KIF7: variants seen among roughly 807,000 people sequenced by gnomAD.
The protein encoded by KIF7 is kinesin-like protein KIF7.
KIF7 carries 104 observed loss-of-function variants against 135.7 expected under a neutral mutation model. The observed-to-expected ratio is 0.77, with a 90% CI of 0.65 to 0.90. KIF7 has a LOEUF of 0.90. KIF7 is among the 40% of genes least tolerant of loss of function. KIF7 has a pLI of 0.00. For synonymous variants in KIF7, 883 were observed against 809.4 expected (o/e 1.09, Z -1.54); for missense variants, 2,005 against 1,839.1 (o/e 1.09, Z -1.65).
intron 8 of KIF7, 27 bp from the exon 9 acceptor site, chr15:89,645,478 C>T (rs749070223): frequency 2.6e-6 from 4 of 1,565,158 alleles, no homozygotes; most frequent in African/African-American, 1.4e-5. Flanking sequence ...GGAGGCCATG[C>T]TCCTCCCCAG....
At chr15:89,625,954 G>C, downstream of KIF7, 1 of 1,585,706 alleles carries the variant, frequency 6.3e-7, no homozygotes, top group Non-Finnish European at 8.6e-7. Flanking sequence ...CCACCTCCCA[G>C]CTGTGCCGTG....
Position 89,628,554 on chromosome 15 carries a change from AGCCGCCTCCC to A in KIF7, c.3887_3896del (p.Arg1296LeufsTer37), listed in dbSNP as rs1328702769. ...GAAGCACCCGCCCCACCAGGGGCTC[AGCCGCCTCCC>A]GCTGCCTCAGTTCCTCGGGGGACCC... On this transcript the variant is annotated frameshift_variant, in exon 19 of 19. Coordinates refer to ENST00000394412, the MANE Select transcript of KIF7 (RefSeq NM_198525.3). LOFTEE classifies it high-confidence loss of function. 8 of 1,613,330 alleles carry A rather than the reference AGCCGCCTCCC, an allele frequency of 5.0e-6. No individual in the cohort carries two copies. Among genetic ancestry groups the A allele is most frequent in the Non-Finnish European group, 6.8e-6 (8 of 1,179,960 alleles).
downstream of KIF7, chr15:89,624,572 G>A: frequency 6.2e-7 from 1 of 1,613,914 alleles, no homozygotes; most frequent in Non-Finnish European, 8.5e-7. Flanking sequence ...ACAGACTCTA[G>A]AGATGACCAG....
the KIF7 span, among the ~76,000 whole-genome samples, chr15:89,662,425 G>A: frequency 6.8e-3 from 1,034 of 152,294 alleles, 15 homozygotes; most frequent in African/African-American, 0.024. Context: ...TAAGCCTGGG[G>A]GCATGGAGGT....
In KIF7 at chr15:89,646,928, G is replaced by GACCCGGGAGGC; in HGVS notation, c.1689_1690insGCCTCCCGGGT (p.His564AlafsTer39). On this transcript the variant is annotated frameshift_variant, in exon 7 of 19. Coordinates refer to ENST00000394412, the MANE Select transcript of KIF7 (RefSeq NM_198525.3). LOFTEE classifies it high-confidence loss of function. ...TGGGCACCCCCCAGGGGGGCTGTAT[G>GACCCGGGAGGC]AGGTCGAGGCACAAAGGACCCGGGA... 1 of 1,613,972 alleles carries GACCCGGGAGGC rather than the reference G, an allele frequency of 6.2e-7. No individual in the cohort carries two copies. The highest frequency in any genetic ancestry group is 1.1e-5 in the South Asian group (1 of 91,066).
At position 89,644,691 on chromosome 15, in the gene KIF7, GAAA is replaced by G. The variant is rs10541634; in HGVS notation, c.2191+319_2191+321del. Reference sequence around the variant, plus strand: ...CGAGTGAAACTCTTTCTCAAAAAAAGAAAAAGAAGAAAAAAGAAGTACTGCTTA... The same window carrying G: ...CGAGTGAAACTCTTTCTCAAAAAAAGAAGAAGAAAAAAGAAGTACTGCTTA... On this transcript the variant is annotated intron_variant, in intron 10 of 18. Coordinates refer to ENST00000394412, the MANE Select transcript of KIF7 (RefSeq NM_198525.3). 5.6e-3 allele frequency among the ~76,000 whole-genome samples: 849 copies of G among 152,076 alleles called. 10 individuals carry two copies. The highest frequency in any genetic ancestry group is 0.02 in the Middle Eastern group (6 of 294).
chr15:89,623,562 AAC>A (rs1963458814), downstream of KIF7: 2 of 1,499,228 alleles, frequency 1.3e-6, no homozygotes, highest in Non-Finnish European at 9.0e-7. Context: ...AGATTACTAA[AAC>A]ACTTCAGAGA....
At chr15:89,645,245 G>A in intron 9 of KIF7, 80 bp from the exon 10 acceptor site, 3 of 1,601,266 alleles carry the variant, frequency 1.9e-6, no homozygotes, top group East Asian at 2.2e-5. Flanking sequence ...GGGCTGCCAG[G>A]GATGGTGGGT....
chr15:89,625,177 T>C (rs200930108), downstream of KIF7: 49 of 1,613,502 alleles, frequency 3.0e-5, no homozygotes, highest in African/African-American at 5.5e-4. Context: ...CACCTATGTG[T>C]CACCCCCCTG....
chr15:89,629,255 G>A (rs1963614097), intron 17 of KIF7, 120 bp downstream of exon 17: 1 of 1,222,288 alleles, frequency 8.2e-7, no homozygotes, highest in Non-Finnish European at 1.1e-6. Flanking sequence ...CAGGGCTGTA[G>A]GTGCAGGGGC....
chr15:89,654,099 T>TG (rs1231167870), intron 1 of KIF7, among the ~76,000 whole-genome samples: 2 of 152,180 alleles, frequency 1.3e-5, no homozygotes, highest in Non-Finnish European at 2.9e-5. Context: ...AAGCTCTGCC[T>TG]CCTGGGTTCA....
intron 1 of KIF7, 69 bp from the exon 2 acceptor site, chr15:89,653,023 G>A: frequency 8.0e-7 from 1 of 1,251,598 alleles, no homozygotes; most frequent in Non-Finnish European, 1.1e-6. Context: ...CCCTGCAGGG[G>A]ACTCGAGCCA....
chr15:89,651,486 C>T lies in KIF7; in HGVS notation c.328+1117G>A, dbSNP rs536006543. ...TGACCTCAGGTGATCTGCCTGCCTC[C>T]GCCTCCCAAAGTGCTGGGATTACAG... is the stretch of plus-strand genomic sequence containing the variant. On this transcript the variant is annotated intron_variant, in intron 2 of 18. Coordinates refer to ENST00000394412, the MANE Select transcript of KIF7 (RefSeq NM_198525.3). 7.2e-5 allele frequency among the ~76,000 whole-genome samples: 11 copies of T among 151,742 alleles called. No individual in the cohort carries two copies. In the South Asian group the frequency reaches 1.0e-3, roughly 14 times the overall value.
At chr15:89,624,162 A>G, downstream of KIF7, 1 of 1,614,052 alleles carries the variant, frequency 6.2e-7, no homozygotes, top group Non-Finnish European at 8.5e-7. Context: ...CCCAGAAACT[A>G]AAGGATAAAG....
chr15:89,629,337 G>A, intron 17 of KIF7, 38 bp downstream of exon 17: 2 of 1,508,008 alleles, frequency 1.3e-6, no homozygotes, highest in Non-Finnish European at 1.8e-6. Flanking sequence ...GGGGGATGGA[G>A]GGGGCCGGGG....
downstream of KIF7, chr15:89,625,340 C>G: frequency 6.2e-7 from 1 of 1,614,098 alleles, no homozygotes; most frequent in Non-Finnish European, 8.5e-7. Context: ...AGTGGGAAGA[C>G]AACTCCAGAC....
chr15:89,631,546 C>A lies in KIF7; in HGVS notation c.3060G>T (p.Gln1020His). Residue 1020 changes from glutamine (Q) to histidine (H), a missense_variant, in exon 15 of 19, where the codon CAG becomes CAT. Physicochemically the swap from Gln to His is conservative, Grantham distance 24. Coordinates refer to ENST00000394412, the MANE Select transcript of KIF7 (RefSeq NM_198525.3). ...LRQEKDSLLK[Q>H]RLEIDGKLRQ... ...TCAGCTTGCCGTCGATCTCCAGGCGCTGCTTGAGCAGCGAGTCCTTCTCCT... is the reference window on the plus strand; with the variant it reads ...TCAGCTTGCCGTCGATCTCCAGGCGATGCTTGAGCAGCGAGTCCTTCTCCT... The A allele has an allele frequency of 1.3e-6, 2 of 1,583,124 alleles. No individual in the cohort carries two copies. The highest frequency in any genetic ancestry group is 2.3e-5 in the South Asian group (2 of 86,942).
intron 18 of KIF7, 71 bp from the exon 19 acceptor site, chr15:89,628,857 T>G: frequency 6.2e-7 from 1 of 1,610,658 alleles, no homozygotes; most frequent in Non-Finnish European, 8.5e-7. Flanking sequence ...AGCTCCCCAG[T>G]GCCCCAGCAC....
upstream of KIF7, among the ~76,000 whole-genome samples, chr15:89,655,965 T>C (rs1964202642): frequency 6.6e-6 from 1 of 152,138 alleles, no homozygotes; most frequent in Non-Finnish European, 1.5e-5. Flanking sequence ...CTCAAAGAGA[T>C]GGTTGGTGTC....
Sources: allele counts gnomAD v4.1 joint callset (sites outside exome capture counted in the v4.1 genomes callset), GRCh38; gene constraint gnomAD v4.1.1; transcripts MANE v1.5; gene names NCBI Gene and HGNC (gene_info 2026-07-23, HGNC 2026-07-21).